The following BBS9 variants were observed in gnomAD, a reference collection of about 807,000 sequenced individuals.
BBS9 encodes the protein Bardet-Biedl syndrome 9.
A neutral mutation model predicts 117.7 loss-of-function variants in BBS9; 89 were observed. The ratio of observed to expected loss-of-function variants is 0.76; its 90% confidence interval spans 0.64 to 0.90. BBS9 has a LOEUF of 0.90. Ranked by LOEUF, BBS9 falls within the 40% of genes least tolerant of loss-of-function variation. The pLI, the probability that BBS9 is intolerant of heterozygous loss-of-function variation, is 0.00. For synonymous variants in BBS9, 379 were observed against 370.9 expected (o/e 1.02, Z -0.25); for missense variants, 982 against 1,042.2 (o/e 0.94, Z 0.80).
intron 5 of BBS9, among the ~76,000 whole-genome samples, chr7:33,180,140 C>T (rs184969177): frequency 7.9e-5 from 12 of 152,156 alleles, no homozygotes; most frequent in Non-Finnish European, 1.3e-4. Flanking sequence ...AAACTGCTCA[C>T]CCCGCCACTC....
chr7:33,242,997 A>G (rs754052982), intron 5 of BBS9: 1 of 518,538 alleles, frequency 1.9e-6, no homozygotes, highest in Non-Finnish European at 3.9e-6. Context: ...TCTCCACAGT[A>G]AATGAGGACA....
At position 33,500,551 on chromosome 7, in the gene BBS9, A is replaced by T. The variant is rs143350531; in HGVS notation, c.2116-4912A>T. ...CCTATCTCAGAGGGTTGTCATGAGG[A>T]CCACATGATAATCTGGGTATGACAG... On this transcript the variant is annotated intron_variant, in intron 19 of 22. Transcript: ENST00000242067. Among the ~76,000 whole-genome samples the T allele has an allele frequency of 6.2e-3, 943 of 152,288 alleles. 7 individuals carry two copies. The highest frequency in any genetic ancestry group is 0.021 in the African/African-American group (874 of 41,558).
At chr7:33,233,218 G>A (rs1353358233) in intron 5 of BBS9, among the ~76,000 whole-genome samples, 1 of 151,834 alleles carries the variant, frequency 6.6e-6, no homozygotes, top group Non-Finnish European at 1.5e-5. Context: ...ATTTATTTTT[G>A]TTTTTATTCT....
chr7:33,207,792 G>T (rs747949432), intron 5 of BBS9, among the ~76,000 whole-genome samples: 4 of 151,632 alleles, frequency 2.6e-5, no homozygotes, highest in Non-Finnish European at 4.4e-5. Flanking sequence ...ACATAAATGT[G>T]TACACTTACA....
intron 21 of BBS9, among the ~76,000 whole-genome samples, chr7:33,589,239 A>G (rs1166374439): frequency 2.0e-5 from 3 of 152,158 alleles, no homozygotes; most frequent in African/African-American, 7.2e-5. Flanking sequence ...TTTCCTATAC[A>G]ATAACAGGCA....
Position 33,152,778 on chromosome 7 carries a change from C to T in BBS9, c.190C>T (p.Gln64Ter), listed in dbSNP as rs769256027. 14 of 1,613,490 alleles carry T rather than the reference C, an allele frequency of 8.7e-6. No homozygotes were observed. The highest frequency in any genetic ancestry group is 1.1e-5 in the Non-Finnish European group (13 of 1,179,906). The change falls in exon 3 of 23, where the codon CAA (glutamine) becomes TAA (stop). Residue 64 changes from glutamine to a stop codon, truncating the protein, a stop_gained. Transcript: ENST00000242067. LOFTEE classifies it high-confidence loss of function. Reference protein sequence around the residue: ...PHPAKTGDGAQAEDLLLEVDL... With the variant: ...PHPAKTGDGA ...TCCTGCAAAAACAGGAGATGGAGCT[C>T]AAGCCGAAGATTTGCTTCTAGAAGT...
intron 19 of BBS9, among the ~76,000 whole-genome samples, chr7:33,461,653 T>C (rs1463078003): frequency 1.3e-5 from 2 of 151,962 alleles, no homozygotes; most frequent in Non-Finnish European, 2.9e-5. Context: ...TATGACTTCA[T>C]GAAAATGAAA....
chr7:33,366,579 C>T (rs1419124014), intron 16 of BBS9, among the ~76,000 whole-genome samples: 25 of 113,630 alleles, frequency 2.2e-4, no homozygotes, highest in Admixed American at 6.2e-4. Context: ...GAGTCTCACT[C>T]TGTTGCCCAG....
intron 1 of BBS9, among the ~76,000 whole-genome samples, chr7:33,137,168 C>G (rs189348410): frequency 3.6e-3 from 547 of 152,216 alleles, no homozygotes; most frequent in Non-Finnish European, 5.5e-3. Context: ...ACTGGTGTAT[C>G]AGCACTGCCC....
rs142144171 is a variant in BBS9 at position 33,485,098 on chromosome 7, A to G, written c.2116-20365A>G. On this transcript the variant is annotated intron_variant, in intron 19 of 22. Transcript: ENST00000242067. ...TATAAGTGGGAGCTGAACGATGAGA[A>G]CACATGGACACATTGTTGGGGGGCA... 5.3e-3 allele frequency among the ~76,000 whole-genome samples: 812 copies of G among 152,232 alleles called. 5 individuals carry two copies. Among genetic ancestry groups the G allele is most frequent in the Non-Finnish European group, 7.7e-3 (523 of 67,996 alleles).
At chr7:33,230,718 C>G (rs777080844) in intron 5 of BBS9, among the ~76,000 whole-genome samples, 1 of 152,104 alleles carries the variant, frequency 6.6e-6, no homozygotes, top group Admixed American at 6.5e-5. Flanking sequence ...ATAATGGCCT[C>G]CATTTCCAAT....
At chr7:33,160,059 A>T (rs1009395546) in intron 4 of BBS9, among the ~76,000 whole-genome samples, 5 of 152,210 alleles carry the variant, frequency 3.3e-5, no homozygotes, top group Non-Finnish European at 5.9e-5. Context: ...AAGTGCACAG[A>T]TACTGCTGTT....
intron 5 of BBS9, among the ~76,000 whole-genome samples, chr7:33,218,029 T>C (rs16879114): frequency 2.0e-5 from 3 of 152,160 alleles, no homozygotes; most frequent in African/African-American, 7.2e-5. Flanking sequence ...CTATTTGTAG[T>C]AGGTTTAAAA....
intron 21 of BBS9, among the ~76,000 whole-genome samples, chr7:33,545,315 C>T (rs1194547205): frequency 6.6e-6 from 1 of 152,168 alleles, no homozygotes; most frequent in Non-Finnish European, 1.5e-5. Flanking sequence ...GCCACCCTCG[C>T]AATGGATCCC....
intron 21 of BBS9, among the ~76,000 whole-genome samples, chr7:33,597,135 A>G (rs564014668): frequency 2.0e-5 from 3 of 151,862 alleles, no homozygotes; most frequent in African/African-American, 7.2e-5. Context: ...CCAAATGAAT[A>G]TATTTATAGA....
intron 21 of BBS9, among the ~76,000 whole-genome samples, chr7:33,550,475 G>A (rs560713830): frequency 6.6e-6 from 1 of 152,022 alleles, no homozygotes; most frequent in African/African-American, 2.4e-5. Flanking sequence ...ACAACAATTT[G>A]GCCTATTCCT....
chr7:33,623,462 G>C (rs1427451134), intron 21 of BBS9, among the ~76,000 whole-genome samples: 3 of 152,256 alleles, frequency 2.0e-5, no homozygotes, highest in South Asian at 4.1e-4. Flanking sequence ...TTGGCCAAGA[G>C]TTTGGCATTT....
chr7:33,463,828 C>T (rs1317632506), intron 19 of BBS9, among the ~76,000 whole-genome samples: 1 of 152,036 alleles, frequency 6.6e-6, no homozygotes, highest in Non-Finnish European at 1.5e-5. Flanking sequence ...ATTTGATCTC[C>T]TATCAACCCA....
intron 17 of BBS9, chr7:33,380,145 G>T: frequency 6.2e-6 from 1 of 162,060 alleles, no homozygotes; most frequent in South Asian, 1.9e-4. Context: ...GCATACAGCA[G>T]GCAGTGTCAG....
Sources: allele counts gnomAD v4.1 joint callset (sites outside exome capture counted in the v4.1 genomes callset), GRCh38; gene constraint gnomAD v4.1.1; transcripts MANE v1.5; gene names NCBI Gene and HGNC (gene_info 2026-07-23, HGNC 2026-07-21).